IL7: variants seen among roughly 807,000 people sequenced by gnomAD.
IL7 encodes interleukin 7.
A neutral mutation model predicts 21.6 loss-of-function variants in IL7; 3 were observed. The observed-to-expected ratio is 0.14, with a 90% confidence interval of 0.06 to 0.36. IL7 has a LOEUF of 0.36. Among genes scored for constraint, IL7 ranks in the 10% least tolerant of loss-of-function variants. The probability of loss-of-function intolerance (pLI) is 1.00; values close to 1 mark genes in which losing one functional copy is unlikely to be tolerated. For missense variants in IL7, 175 were observed against 200.2 expected (o/e 0.87, Z 0.76); for synonymous variants, 62 against 68.1 (o/e 0.91, Z 0.44).
chr8:78,690,177 A>ACT (rs199830204), intron 3 of IL7, among the ~76,000 whole-genome samples: 7,779 of 152,278 alleles, frequency 0.051, 276 homozygotes, highest in Middle Eastern at 0.082. Context: ...TCCTTTAGTC[A>ACT]ATACCGCATT....
intron 2 of IL7, among the ~76,000 whole-genome samples, chr8:78,774,750 C>T (rs1813076336): frequency 6.6e-6 from 1 of 151,982 alleles, no homozygotes; most frequent in African/African-American, 2.4e-5. Flanking sequence ...AAAGAACAAA[C>T]AAAGAATAAA....
chr8:78,702,945 A>G (rs1810653777), intron 3 of IL7, among the ~76,000 whole-genome samples: 1 of 152,008 alleles, frequency 6.6e-6, no homozygotes, highest in African/African-American at 2.4e-5. Flanking sequence ...CGCCCAGGCT[A>G]TAGTGCTGTG....
intron 2 of IL7, among the ~76,000 whole-genome samples, chr8:78,792,663 G>A (rs1287280579): frequency 9.2e-5 from 14 of 151,986 alleles, no homozygotes; most frequent in Non-Finnish European, 1.5e-5. Flanking sequence ...GATAATAACA[G>A]CCAATAATGA....
At chr8:78,680,079 G>A (rs1363917287) in intron 4 of IL7, among the ~76,000 whole-genome samples, 1 of 151,984 alleles carries the variant, frequency 6.6e-6, no homozygotes, top group Non-Finnish European at 1.5e-5. Flanking sequence ...TTATGCTTCT[G>A]TTCACTGTAA....
At chr8:78,693,517 G>A (rs866604329) in intron 3 of IL7, among the ~76,000 whole-genome samples, 14 of 152,224 alleles carry the variant, frequency 9.2e-5, no homozygotes, top group Middle Eastern at 3.4e-3. Flanking sequence ...TCTTTTGGCC[G>A]CATAAATGTC....
intron 2 of IL7, among the ~76,000 whole-genome samples, chr8:78,787,005 G>A (rs553560061): frequency 6.6e-6 from 1 of 152,338 alleles, no homozygotes; most frequent in Non-Finnish European, 1.5e-5. Flanking sequence ...ACATGTGGAG[G>A]TATTTGGAGG....
In IL7 at chr8:78,805,174, A is replaced by G. The variant is rs1457292764; in HGVS notation, c.-252T>C. 4 of 455,724 alleles carry G rather than the reference A, an allele frequency of 8.8e-6. No homozygotes were observed. Among genetic ancestry groups the G allele is most frequent in the African/African-American group, 8.1e-5 (4 of 49,106 alleles). The allele number at this position is 455,724 out of a possible 1,614,324, so 28.2% of individuals were successfully genotyped here. A position where few individuals can be genotyped will look rare whatever the true frequency, so the allele number is the denominator to read the frequency against. On this transcript the variant is annotated 5_prime_UTR_variant, in exon 1 of 6. Transcript: ENST00000263851. Reference sequence around the variant, plus strand: ...CATAACTTCCGTAGGATCCGCCAGCAGTGTACTTTCAGTTTCTACTTTGCG... The same window carrying G: ...CATAACTTCCGTAGGATCCGCCAGCGGTGTACTTTCAGTTTCTACTTTGCG...
In IL7 at chr8:78,760,194, G is replaced by C. The variant is rs185640968; in HGVS notation, c.148-20112C>G. 8.0e-4 allele frequency: 1,255 copies of C among 1,560,080 alleles called. 8 individuals carry two copies. The African/African-American group carries it at 0.016, about 19-fold the overall frequency. ...ATCTGTAGGAAGCTCTGACTTACTT[G>C]TATAGAGTTTAATATATGTGTCCAC... On this transcript the variant is annotated intron_variant, in intron 2 of 5. Coordinates refer to ENST00000263851, the MANE Select transcript of IL7 (RefSeq NM_000880.4).
chr8:78,736,127 CT>C (rs1009032322), intron 5 of IL7, among the ~76,000 whole-genome samples: 155 of 150,922 alleles, frequency 1.0e-3, no homozygotes, highest in Middle Eastern at 6.9e-3. Flanking sequence ...ACAGGGATGG[CT>C]TTTTTTCTTC....
At chr8:78,678,852 T>C in intron 4 of IL7, 1 of 398,870 alleles carries the variant, frequency 2.5e-6, no homozygotes, top group East Asian at 4.0e-5. Flanking sequence ...CTGAAGCTTA[T>C]AAAACAAATT....
chr8:78,759,842 T>A (rs1812487887), intron 2 of IL7, among the ~76,000 whole-genome samples: 1 of 152,102 alleles, frequency 6.6e-6, no homozygotes, highest in African/African-American at 2.4e-5. Flanking sequence ...CAAGTAGAGA[T>A]CCACAGTGAT....
chr8:78,777,955 T>TA (rs2130801625), intron 2 of IL7, among the ~76,000 whole-genome samples: 1 of 152,182 alleles, frequency 6.6e-6, no homozygotes, highest in African/African-American at 2.4e-5. Flanking sequence ...AATCTAGCCA[T>TA]ACCCTACCTT....
intron 3 of IL7, among the ~76,000 whole-genome samples, chr8:78,722,574 A>G (rs1427519727): frequency 6.6e-6 from 1 of 151,984 alleles, no homozygotes; most frequent in Admixed American, 6.6e-5. Flanking sequence ...ACTATGATCT[A>G]ATATGATAAA....
At chr8:78,683,905 G>A (rs1282437001) in intron 4 of IL7, among the ~76,000 whole-genome samples, 1 of 152,174 alleles carries the variant, frequency 6.6e-6, no homozygotes, top group African/African-American at 2.4e-5. Context: ...AATGCTACCA[G>A]TCTCTTTGCT....
At chr8:78,694,025 C>G (rs1810311926) in intron 3 of IL7, among the ~76,000 whole-genome samples, 1 of 152,124 alleles carries the variant, frequency 6.6e-6, no homozygotes, top group Non-Finnish European at 1.5e-5. Flanking sequence ...TCAGGTTTGT[C>G]AAAGATCAGA....
intron 2 of IL7, among the ~76,000 whole-genome samples, chr8:78,779,144 C>A (rs777656888): frequency 3.3e-5 from 5 of 152,168 alleles, no homozygotes. Flanking sequence ...AGCTTTTGGG[C>A]TGAGACAATG....
chr8:78,701,039 A>G (rs1030342130), intron 3 of IL7, among the ~76,000 whole-genome samples: 1 of 152,146 alleles, frequency 6.6e-6, no homozygotes, highest in Non-Finnish European at 1.5e-5. Context: ...AATGTCACTG[A>G]TAGTTTAATG....
downstream of IL7, among the ~76,000 whole-genome samples, chr8:78,730,199 A>C (rs1318509734): frequency 2.0e-5 from 3 of 151,982 alleles, no homozygotes; most frequent in Non-Finnish European, 4.4e-5. Flanking sequence ...CTTTCAAGAA[A>C]AATGTACTTC....
chr8:78,747,187 GCTTTT>G, intron 2 of IL7: 1 of 249,416 alleles, frequency 4.0e-6, no homozygotes, highest in Non-Finnish European at 7.4e-6. Flanking sequence ...ATACTTCATT[GCTTTT>G]TTTTTTTTTT....
Sources: allele counts gnomAD v4.1 joint callset (sites outside exome capture counted in the v4.1 genomes callset), GRCh38; gene constraint gnomAD v4.1.1; transcripts MANE v1.5; gene names NCBI Gene and HGNC (gene_info 2026-07-23, HGNC 2026-07-21).